Variants in TRPM3 observed in about 807,000 individuals in gnomAD.
TRPM3 encodes long transient receptor potential channel 3.
In TRPM3, 77 loss-of-function variants were observed where a neutral mutation model predicts 181.2. The observed-to-expected ratio is 0.42, with a 90% CI of 0.35 to 0.51. The LOEUF (loss-of-function observed/expected upper bound fraction) is 0.51, where lower values mean the gene tolerates loss of function less well. Ranked by LOEUF, TRPM3 falls within the 20% of genes least tolerant of loss-of-function variation. The probability of loss-of-function intolerance (pLI) is 0.01; values close to 1 mark genes in which losing one functional copy is unlikely to be tolerated. For missense variants in TRPM3, 1,759 were observed against 2,196.7 expected, an observed-to-expected ratio of 0.80 and a Z score of 3.98; for synonymous variants, 745 against 796.4, an observed-to-expected ratio of 0.94 and a Z score of 1.09.
intron 1 of TRPM3, among the ~76,000 whole-genome samples, chr9:70,922,314 A>G (rs552867578): frequency 6.6e-6 from 1 of 152,248 alleles, no homozygotes; most frequent in South Asian, 2.1e-4. Context: ...CCAGCCACAC[A>G]TATATGTTCC....
Position 71,069,904 on chromosome 9 carries a change from A to G in TRPM3, c.177+51274T>C, listed in dbSNP as rs541094288. ...ACTACAGGCGTGAGCCACAGTGCCC[A>G]GCGAAAATTAATTTTTTTAAAAAAG... On this transcript the variant is annotated intron_variant, in intron 1 of 25. Coordinates refer to ENST00000677713, the MANE Select transcript of TRPM3 (RefSeq NM_001366145.2). Among the ~76,000 whole-genome samples the G allele has an allele frequency of 2.5e-3, 364 of 146,660 alleles. 5 individuals are homozygous for G. The highest frequency in any genetic ancestry group is 8.2e-3 in the African/African-American group (337 of 41,314).
At chr9:70,831,927 G>A (rs1159190997) in intron 5 of TRPM3, among the ~76,000 whole-genome samples, 1 of 123,092 alleles carries the variant, frequency 8.1e-6, no homozygotes, top group Non-Finnish European at 1.7e-5. Context: ...ATTTCATAGT[G>A]CATGTCTGTA....
chr9:71,404,942 C>T (rs1441717924), intron 1 of TRPM3, among the ~76,000 whole-genome samples: 1 of 152,130 alleles, frequency 6.6e-6, no homozygotes, highest in Middle Eastern at 3.2e-3. Flanking sequence ...TTGTAAGGTC[C>T]TCTTCAACTT....
At chr9:70,865,970 A>C (rs959648364) in intron 1 of TRPM3, among the ~76,000 whole-genome samples, 12 of 152,092 alleles carry the variant, frequency 7.9e-5, no homozygotes, top group Admixed American at 7.9e-4. Context: ...CTTTCAGCTA[A>C]ACATGAAAAA....
chr9:71,199,084 G>C (rs1315761623), intron 1 of TRPM3, among the ~76,000 whole-genome samples: 13 of 151,014 alleles, frequency 8.6e-5, no homozygotes, highest in East Asian at 1.9e-4. Context: ...TAGCATGAAG[G>C]GTTGTTGAAT....
chr9:71,016,839 A>C (rs2097789148), intron 1 of TRPM3, among the ~76,000 whole-genome samples: 1 of 152,122 alleles, frequency 6.6e-6, no homozygotes, highest in African/African-American at 2.4e-5. Flanking sequence ...CAGTGGTTAC[A>C]TCATTTTATA....
chr9:71,434,001 C>T lies in TRPM3; in HGVS notation c.183+12652G>A, dbSNP rs139790419. 2.8e-3 allele frequency among the ~76,000 whole-genome samples: 431 copies of T among 151,912 alleles called. 2 individuals are homozygous for T. The highest frequency in any genetic ancestry group is 9.5e-3 in the African/African-American group (392 of 41,440). ...AGAAACCCCATCTCTACTAAAAATA[C>T]GAAAAAAATTAGCCAGGCGTGGTGG... On this transcript the variant is annotated intron_variant, in intron 1 of 24. Transcript: ENST00000357533.
intron 5 of TRPM3, among the ~76,000 whole-genome samples, chr9:70,842,211 A>G (rs1285553637): frequency 6.6e-6 from 1 of 152,062 alleles, no homozygotes; most frequent in Non-Finnish European, 1.5e-5. Flanking sequence ...GTAAATTTTC[A>G]GGAGAAATGC....
At chr9:71,146,740 T>C (rs564350583) in intron 1 of TRPM3, among the ~76,000 whole-genome samples, 51 of 152,288 alleles carry the variant, frequency 3.3e-4, no homozygotes, top group African/African-American at 1.2e-3. Context: ...CCACAGCACA[T>C]TGAACAAACA....
intron 6 of TRPM3, among the ~76,000 whole-genome samples, chr9:70,787,763 C>CTTTTTTTTTTTTTTTTTTTTCTTTTTATT (rs2084054300): frequency 1.5e-5 from 1 of 68,558 alleles, no homozygotes; most frequent in Admixed American, 1.8e-4. Flanking sequence ...TTTTTGGATT[C>CTTTTTTTTTTTTTTTTTTTTCTTTTTATT]TTTTTTTTTT....
At chr9:70,781,702 CA>C (rs1227064614) in intron 7 of TRPM3, among the ~76,000 whole-genome samples, 1 of 151,950 alleles carries the variant, frequency 6.6e-6, no homozygotes, top group African/African-American at 2.4e-5. Context: ...TGGCTTTGGA[CA>C]AAGCGCTTAA....
At chr9:71,196,160 C>T (rs11790080) in intron 1 of TRPM3, among the ~76,000 whole-genome samples, 40,659 of 116,000 alleles carry the variant, frequency 0.35, 6,027 homozygotes, top group Middle Eastern at 0.51. Context: ...TATATACACA[C>T]ACGTATATGT....
intron 1 of TRPM3, among the ~76,000 whole-genome samples, chr9:71,418,387 A>C (rs1241547758): frequency 6.6e-6 from 1 of 151,848 alleles, no homozygotes; most frequent in Non-Finnish European, 1.5e-5. Context: ...TCTCAATACA[A>C]ATGGTCTCAT....
intron 1 of TRPM3, among the ~76,000 whole-genome samples, chr9:71,393,215 T>TA (rs1329876817): frequency 1.3e-5 from 2 of 152,172 alleles, no homozygotes; most frequent in Non-Finnish European, 2.9e-5. Flanking sequence ...GAGGTTTCTA[T>TA]AGCAATAAAA....
chr9:70,884,879 C>T (rs534419849), intron 1 of TRPM3, among the ~76,000 whole-genome samples: 1 of 152,276 alleles, frequency 6.6e-6, no homozygotes, highest in Admixed American at 6.5e-5. Context: ...TCTGGTCCCT[C>T]GCTCATAGAT....
chr9:71,097,523 A>G (rs2067528610), intron 1 of TRPM3, among the ~76,000 whole-genome samples: 1 of 152,086 alleles, frequency 6.6e-6, no homozygotes, highest in Admixed American at 6.6e-5. Flanking sequence ...AAACTTACTT[A>G]TCACAGAGAA....
At chr9:71,410,076 A>G (rs762544226) in intron 1 of TRPM3, among the ~76,000 whole-genome samples, 7 of 152,202 alleles carry the variant, frequency 4.6e-5, no homozygotes, top group Non-Finnish European at 7.3e-5. Context: ...CAAAGACACA[A>G]CATACCACAA....
At chr9:71,423,880 TACCA>T (rs1181010526) in intron 1 of TRPM3, among the ~76,000 whole-genome samples, 1 of 152,096 alleles carries the variant, frequency 6.6e-6, no homozygotes, top group African/African-American at 2.4e-5. Context: ...TTACAAACTC[TACCA>T]ACTAACCTAT....
chr9:70,638,482 T>TAAAC (rs1162492991), intron 11 of TRPM3, among the ~76,000 whole-genome samples: 1 of 152,200 alleles, frequency 6.6e-6, no homozygotes, highest in Non-Finnish European at 1.5e-5. Flanking sequence ...AATAACTTCA[T>TAAAC]AAACAGTAGT....
Sources: gnomAD v4.1 joint callset for allele counts (sites outside exome capture counted in the v4.1 genomes callset) on GRCh38, gnomAD v4.1.1 for gene constraint, MANE v1.5 for transcripts, NCBI Gene and HGNC (gene_info 2026-07-23, HGNC 2026-07-21) for gene names.